The following SYNJ2 variants were observed in gnomAD, a reference collection of about 807,000 sequenced individuals.
SYNJ2 encodes the protein synaptojanin 2.
SYNJ2 carries 116 observed loss-of-function variants against 141.3 expected under a neutral mutation model. The observed-to-expected ratio is 0.82, with a 90% confidence interval of 0.71 to 0.96. The LOEUF (loss-of-function observed/expected upper bound fraction) is 0.96, where lower values mean the gene tolerates loss of function less well. SYNJ2 is among the 40% of genes least tolerant of loss of function. The pLI is 0.00. For missense variants in SYNJ2, 1,873 were observed against 1,934.8 expected, an observed-to-expected ratio of 0.97 and a Z score of 0.60; for synonymous variants, 745 against 777.7, an observed-to-expected ratio of 0.96 and a Z score of 0.70.
At chr6:158,085,835 C>T (rs543621458) in intron 22 of SYNJ2, among the ~76,000 whole-genome samples, 34 of 152,232 alleles carry the variant, frequency 2.2e-4, no homozygotes, top group African/African-American at 7.9e-4. Flanking sequence ...CAGCAGCCTT[C>T]GCCGGAGCAT....
chr6:158,049,238 G>A (rs1780422587), intron 5 of SYNJ2, among the ~76,000 whole-genome samples: 2 of 152,312 alleles, frequency 1.3e-5, no homozygotes, highest in African/African-American at 2.4e-5. Flanking sequence ...GCCCAGAGGG[G>A]AGGAGGACGG....
intron 12 of SYNJ2, chr6:158,067,415 T>A (rs1257191932): frequency 2.0e-6 from 2 of 983,530 alleles, no homozygotes; most frequent in African/African-American, 3.5e-5. Context: ...AAATAATTCA[T>A]GTGCTATTTA....
At chr6:158,089,603 A>G (rs1473877502) in intron 24 of SYNJ2, among the ~76,000 whole-genome samples, 1 of 152,150 alleles carries the variant, frequency 6.6e-6, no homozygotes, top group Non-Finnish European at 1.5e-5. Flanking sequence ...TCCATATGCA[A>G]AAATCTGTAA....
chr6:158,055,532 T>TGTGC (rs2128356500), intron 6 of SYNJ2, among the ~76,000 whole-genome samples: 1 of 152,212 alleles, frequency 6.6e-6, no homozygotes, highest in East Asian at 1.9e-4. Flanking sequence ...TGTGTGTGTG[T>TGTGC]GTGTATTTAA....
intron 15 of SYNJ2, among the ~76,000 whole-genome samples, chr6:158,073,101 T>C (rs1282949680): frequency 1.3e-5 from 2 of 151,188 alleles, no homozygotes; most frequent in South Asian, 2.1e-4. Flanking sequence ...TACTTTGACA[T>C]AGTAAACTTG....
chr6:158,078,293 A>T lies in SYNJ2; in HGVS notation c.2567+12A>T, dbSNP rs1323094391. The T allele has an allele frequency of 4.4e-6, 7 of 1,581,718 alleles. No homozygotes were observed. Among genetic ancestry groups the T allele is most frequent in the Non-Finnish European group, 6.1e-6 (7 of 1,151,400 alleles). On this transcript the variant is annotated intron_variant, in intron 18 of 26. Coordinates refer to ENST00000355585, the MANE Select transcript of SYNJ2 (RefSeq NM_003898.4). Reference sequence around the variant, plus strand: ...GCGTCTGATCACAGGTGAGGTCCTGACTTCCATGGCGTTTTCTCCTGTGCT... The same window carrying T: ...GCGTCTGATCACAGGTGAGGTCCTGTCTTCCATGGCGTTTTCTCCTGTGCT...
chr6:158,016,005 G>T (rs138080030), intron 1 of SYNJ2, among the ~76,000 whole-genome samples: 43 of 152,128 alleles, frequency 2.8e-4, no homozygotes, highest in African/African-American at 9.9e-4. Flanking sequence ...AAGAAGCTTC[G>T]TACTCATTAG....
intron 15 of SYNJ2, among the ~76,000 whole-genome samples, chr6:158,073,562 A>C (rs1361056966): frequency 6.6e-6 from 1 of 152,210 alleles, no homozygotes; most frequent in African/African-American, 2.4e-5. Context: ...TTAAATTCAA[A>C]TTAATTAAAA....
Position 158,071,710 on chromosome 6 carries a change from T to G in SYNJ2, c.2049T>G (p.Cys683Trp). ...ACAGCACCAGCTTCTGCTTCATATG[T>G]AGTCACCTGACGGCCGGGCAGTCCC... is the stretch of plus-strand genomic sequence containing the variant. ...QFHSTSFCFICSHLTAGQSQV... is the reference protein window; with the variant it reads ...QFHSTSFCFIWSHLTAGQSQV... Residue 683 changes from cysteine (C) to tryptophan (W), a missense_variant, in exon 15 of 27, where the codon TGT (cysteine) becomes TGG (tryptophan). Cys to Trp is a radical substitution (Grantham distance 215). Coordinates refer to ENST00000355585, the MANE Select transcript of SYNJ2 (RefSeq NM_003898.4). This position sits in a 1 kb window ranked among gnomAD's most constrained non-coding sequence, Gnocchi z 4.3. 2 of 1,614,086 alleles carry G rather than the reference T, an allele frequency of 1.2e-6. No individual in the cohort carries two copies. Among genetic ancestry groups the G allele is most frequent in the Non-Finnish European group, 1.7e-6 (2 of 1,180,024 alleles).
At chr6:158,052,865 G>A (rs1780645777) in intron 5 of SYNJ2, among the ~76,000 whole-genome samples, 1 of 152,192 alleles carries the variant, frequency 6.6e-6, no homozygotes, top group South Asian at 2.1e-4. Context: ...CATTGACAAA[G>A]TACTTCAATC....
chr6:158,011,903 A>G (rs546778456), intron 1 of SYNJ2, among the ~76,000 whole-genome samples: 1 of 152,186 alleles, frequency 6.6e-6, no homozygotes, highest in Non-Finnish European at 1.5e-5. Context: ...TAGGGTTGAA[A>G]TAGGTATTTT....
chr6:158,021,712 G>A (rs1321521391), intron 2 of SYNJ2, among the ~76,000 whole-genome samples: 2 of 152,248 alleles, frequency 1.3e-5, no homozygotes, highest in Admixed American at 1.3e-4. Flanking sequence ...CACTTCAGAA[G>A]GAGGATTCCC....
intron 26 of SYNJ2, 65 bp from the exon 27 acceptor site, chr6:158,095,553 T>C (rs974559858): frequency 2.0e-5 from 30 of 1,513,252 alleles, no homozygotes; most frequent in Non-Finnish European, 2.5e-5. Context: ...GCCACTCTGT[T>C]CTCTGATCCT....
At position 158,096,042 on chromosome 6, in the gene SYNJ2, C is replaced by T. The variant is rs1783783106; in HGVS notation, c.4169C>T (p.Thr1390Ile). Reference protein sequence around the residue: ...QGDFLSTSSATSPDSDGTKAM... With the variant: ...QGDFLSTSSAISPDSDGTKAM... ...GACTTTCTCAGCACTTCATCTGCTA[C>T]AAGCCCCGACAGCGATGGCACCAAA... Residue 1390 changes from threonine (T) to isoleucine (I), a missense_variant, in exon 27 of 27, where the codon ACA becomes ATA. By Grantham distance (89) the Thr-to-Ile change is moderately conservative. Transcript: ENST00000355585. 1 of 1,614,280 alleles carries T rather than the reference C, an allele frequency of 6.2e-7. No homozygotes were observed. Among genetic ancestry groups the T allele is most frequent in the Non-Finnish European group, 8.5e-7 (1 of 1,180,044 alleles).
rs1421097974 is a variant in SYNJ2, at chr6:158,069,602, G to C, written c.1869G>C (p.Leu623=). The change falls in exon 14 of 27, where the codon CTG becomes CTC. Residue 623 remains leucine (L), a synonymous_variant. Coordinates refer to ENST00000355585, the MANE Select transcript of SYNJ2 (RefSeq NM_003898.4). The part of the protein sequence containing the change: ...KAISRSHRYI[L]LTSAQLVGVC... ...TCTCACGCTCTCATAGATACATTCT[G>C]TTGACTTCGGCACAGCTGGTGGGCG... 1 of 1,613,958 alleles carries C rather than the reference G, an allele frequency of 6.2e-7. No individual in the cohort carries two copies. The highest frequency in any genetic ancestry group is 1.3e-5 in the African/African-American group (1 of 74,906).
At chr6:158,093,191 A>G in intron 26 of SYNJ2, 87 bp downstream of exon 26, 1 of 1,421,568 alleles carries the variant, frequency 7.0e-7, no homozygotes, top group Non-Finnish European at 9.5e-7. Context: ...ATCCCAGCAC[A>G]TTGGGAAGCC....
At chr6:158,023,234 G>A in intron 2 of SYNJ2, among the ~76,000 whole-genome samples, 1 of 150,294 alleles carries the variant, frequency 6.7e-6, no homozygotes, top group East Asian at 2.0e-4. Flanking sequence ...CTCCAGCCTG[G>A]GTGACAGTGC....
intron 22 of SYNJ2, 25 bp from the exon 23 acceptor site, chr6:158,086,830 A>G (rs745427702): frequency 3.1e-6 from 5 of 1,609,524 alleles, no homozygotes; most frequent in African/African-American, 2.7e-5. Context: ...AGACCATTGT[A>G]CTCATGCCCC....
At chr6:158,079,058 G>A (rs376509648) in intron 18 of SYNJ2, 4 of 152,386 alleles carry the variant, frequency 2.6e-5, no homozygotes, top group Admixed American at 6.5e-5. Context: ...GCCTCTCAAA[G>A]TGTTGGGATT....
Sources: gnomAD v4.1 joint callset for allele counts (sites outside exome capture counted in the v4.1 genomes callset) on GRCh38, gnomAD v4.1.1 for gene constraint, Gnocchi (gnomAD v3.1) non-coding constraint, MANE v1.5 for transcripts, NCBI Gene and HGNC (gene_info 2026-07-23, HGNC 2026-07-21) for gene names.